The following GAREM1 variants were observed in gnomAD, a reference collection of about 807,000 sequenced individuals.
GAREM1 encodes GRB2-associated and regulator of MAPK protein 1.
In GAREM1, 26 loss-of-function variants were observed where a neutral mutation model predicts 71.3. The observed-to-expected ratio is 0.36, with a 90% confidence interval of 0.27 to 0.51. The LOEUF (loss-of-function observed/expected upper bound fraction) is 0.51. GAREM1 is among the 20% of genes least tolerant of loss of function. GAREM1 has a pLI of 0.95. For missense variants in GAREM1, 1,026 were observed against 1,103.1 expected, an observed-to-expected ratio of 0.93 and a Z score of 0.99; for synonymous variants, 440 against 433.2, an observed-to-expected ratio of 1.02 and a Z score of -0.20.
chr18:32,408,213 A>G (rs2048383950), intron 1 of GAREM1, among the ~76,000 whole-genome samples: 1 of 152,158 alleles, frequency 6.6e-6, no homozygotes. Context: ...TGCTAACTCT[A>G]GATTACTTCC....
Position 32,333,872 on chromosome 18 carries a change from G to C in GAREM1, c.263-23549C>G, listed in dbSNP as rs2047562371. On this transcript the variant is annotated intron_variant, in intron 2 of 5. Transcript: ENST00000269209. ...AGCAGGAGCAGCTGTGTCCAGCATG[G>C]AGTCAAGACTCAGGTCGCTACACAG... 7.2e-5 allele frequency among the ~76,000 whole-genome samples: 11 copies of C among 152,260 alleles called. No individual in the cohort carries two copies. The South Asian group carries it at 2.3e-3, about 32-fold the overall frequency.
Position 32,368,611 on chromosome 18 carries a change from T to C in GAREM1, c.262+24284A>G, listed in dbSNP as rs1177413173. On this transcript the variant is annotated intron_variant, in intron 2 of 5. Coordinates refer to ENST00000269209, the MANE Select transcript of GAREM1 (RefSeq NM_001242409.2). ...GATGGCAGGAAGTCTATCTTTTATA[T>C]ATTAAAGTGTCCACAGACCCTACTG... Among the ~76,000 whole-genome samples, 113 of 152,200 alleles carry C rather than the reference T, an allele frequency of 7.4e-4. 1 individual carries two copies. Among genetic ancestry groups the C allele is most frequent in the Non-Finnish European group, 2.6e-4 (18 of 68,026 alleles).
At chr18:32,391,192 C>T (rs1275365942) in intron 2 of GAREM1, among the ~76,000 whole-genome samples, 1 of 152,134 alleles carries the variant, frequency 6.6e-6, no homozygotes, top group African/African-American at 2.4e-5. Context: ...GGAGGTAACT[C>T]CAGCTAGCTA....
intron 2 of GAREM1, among the ~76,000 whole-genome samples, chr18:32,341,578 A>G (rs947804854): frequency 6.6e-6 from 1 of 152,214 alleles, no homozygotes; most frequent in Non-Finnish European, 1.5e-5. Context: ...TGGTTGAACT[A>G]GTTTACAGTC....
chr18:32,390,018 T>C (rs1452590169), intron 2 of GAREM1, among the ~76,000 whole-genome samples: 3 of 152,046 alleles, frequency 2.0e-5, no homozygotes, highest in Non-Finnish European at 4.4e-5. Flanking sequence ...AATTGACAAG[T>C]TGGCCGGGCG....
intron 1 of GAREM1, among the ~76,000 whole-genome samples, chr18:32,446,210 G>T (rs9966142): frequency 4.4e-4 from 65 of 149,378 alleles, no homozygotes; most frequent in African/African-American, 1.6e-3. Flanking sequence ...TTCTCAGACT[G>T]TAAGTTCCCC....
At chr18:32,466,189 CAG>C (rs1227163278) in intron 1 of GAREM1, among the ~76,000 whole-genome samples, 3 of 150,540 alleles carry the variant, frequency 2.0e-5, no homozygotes, top group Non-Finnish European at 4.4e-5. Flanking sequence ...TTTTTGGTTA[CAG>C]AGAGTATGGC....
At chr18:32,352,763 A>C (rs929083280) in intron 2 of GAREM1, among the ~76,000 whole-genome samples, 4 of 152,172 alleles carry the variant, frequency 2.6e-5, no homozygotes, top group African/African-American at 7.2e-5. Flanking sequence ...GAGAGAAGGA[A>C]AGAATCTCCA....
In GAREM1 at chr18:32,393,321, A is replaced by C. The variant is rs548039648; in HGVS notation, c.122-286T>G. The stretch of plus-strand genomic sequence containing the variant: ...CCTAAATGATTATGTTTTAATGATA[A>C]TAAAACATTTATTAAGTGCCTAGAA... On this transcript the variant is annotated intron_variant, in intron 1 of 5. Transcript: ENST00000269209. 3.9e-5 allele frequency among the ~76,000 whole-genome samples: 6 copies of C among 152,266 alleles called. 2 individuals carry two copies. In the South Asian group the frequency reaches 1.2e-3, roughly 32 times the overall value.
rs1412244725 is a variant in GAREM1, at chr18:32,355,234, G to T, written c.262+37661C>A. Among the ~76,000 whole-genome samples, 4 of 152,068 alleles carry T rather than the reference G, an allele frequency of 2.6e-5. No individual in the cohort carries two copies. The East Asian group carries it at 5.8e-4, about 22-fold the overall frequency. On this transcript the variant is annotated intron_variant, in intron 2 of 5. Transcript: ENST00000269209. Reference sequence around the variant, plus strand: ...GGTATTCTTTTTCCACATCTATCTAGGAGTTTCAAAATTTTACAAATCTAC... The same window carrying T: ...GGTATTCTTTTTCCACATCTATCTATGAGTTTCAAAATTTTACAAATCTAC...
chr18:32,334,949 G>T (rs897692148), intron 2 of GAREM1, among the ~76,000 whole-genome samples: 1 of 152,068 alleles, frequency 6.6e-6, no homozygotes, highest in Non-Finnish European at 1.5e-5. Context: ...CTTTGCTGGC[G>T]AATGCCCACT....
At chr18:32,348,159 A>T (rs1360436228) in intron 2 of GAREM1, among the ~76,000 whole-genome samples, 1 of 152,238 alleles carries the variant, frequency 6.6e-6, no homozygotes, top group African/African-American at 2.4e-5. Context: ...TAGGAGGATT[A>T]AACATAAAAT....
chr18:32,438,045 GA>G (rs2048696061), intron 1 of GAREM1, among the ~76,000 whole-genome samples: 1 of 152,094 alleles, frequency 6.6e-6, no homozygotes, highest in African/African-American at 2.4e-5. Flanking sequence ...ACAACTGCTT[GA>G]ACAAATTACT....
intron 1 of GAREM1, among the ~76,000 whole-genome samples, chr18:32,421,221 G>T (rs2048516780): frequency 6.6e-6 from 1 of 152,184 alleles, no homozygotes; most frequent in Admixed American, 6.6e-5. Context: ...AAGGTTGTAG[G>T]CTGGATTAAA....
Position 32,466,316 on chromosome 18 carries a change from T to C in GAREM1, c.121+3992A>G, listed in dbSNP as rs530552664. ...AAAGAGATAAAGAAAAGGTGTAAAA[T>C]GTTTAACTTTCAAAAGATTGATTCT... On this transcript the variant is annotated intron_variant, in intron 1 of 5. Coordinates refer to ENST00000269209, the MANE Select transcript of GAREM1 (RefSeq NM_001242409.2). Among the ~76,000 whole-genome samples, 145 of 152,314 alleles carry C rather than the reference T, an allele frequency of 9.5e-4. No homozygotes were observed. The Middle Eastern group carries it at 0.014, about 14-fold the overall frequency.
In GAREM1 at chr18:32,311,432, C is replaced by G. The variant is rs2047321662; in HGVS notation, c.263-1109G>C. ...CAATTAATGGAATTAACACAAATCT[C>G]TGTTCTTCCAAAGCTTACATTCCAG... On this transcript the variant is annotated intron_variant, in intron 2 of 5. Coordinates refer to ENST00000269209, the MANE Select transcript of GAREM1 (RefSeq NM_001242409.2). 2.6e-5 allele frequency among the ~76,000 whole-genome samples: 4 copies of G among 152,212 alleles called. No individual in the cohort carries two copies. In the South Asian group the frequency reaches 8.3e-4, roughly 32 times the overall value.
chr18:32,348,245 C>G (rs1013382713), intron 2 of GAREM1, among the ~76,000 whole-genome samples: 14 of 152,154 alleles, frequency 9.2e-5, no homozygotes, highest in African/African-American at 3.4e-4. Context: ...GACAGAGGAC[C>G]AGGGTTTTGC....
At chr18:32,431,812 C>T (rs981183663) in intron 1 of GAREM1, among the ~76,000 whole-genome samples, 33 of 151,964 alleles carry the variant, frequency 2.2e-4, no homozygotes, top group Non-Finnish European at 4.1e-4. Context: ...TGAAAGCAAC[C>T]TGATTAAAAC....
chr18:32,330,632 A>G (rs2047523480), intron 2 of GAREM1, among the ~76,000 whole-genome samples: 2 of 152,020 alleles, frequency 1.3e-5, no homozygotes, highest in Non-Finnish European at 2.9e-5. Flanking sequence ...TTTGTATACA[A>G]ACCACTGCAC....
Sources: gnomAD v4.1 joint callset for allele counts (sites outside exome capture counted in the v4.1 genomes callset) on GRCh38, gnomAD v4.1.1 for gene constraint, MANE v1.5 for transcripts, NCBI Gene and HGNC (gene_info 2026-07-23, HGNC 2026-07-21) for gene names.